Variants in DNAJB12 observed in about 807,000 individuals in gnomAD.
DNAJB12 encodes the protein dnaJ homolog subfamily B member 12.
DNAJB12 carries 14 observed loss-of-function variants against 40.6 expected under a neutral mutation model. That is an observed-to-expected ratio of 0.34 (90% CI 0.23 to 0.54). The LOEUF is 0.54. DNAJB12 is among the 20% of genes least tolerant of loss of function. The pLI, the probability that DNAJB12 is intolerant of heterozygous loss-of-function variation, is 0.92. For synonymous variants in DNAJB12, 181 were observed against 199.5 expected, an observed-to-expected ratio of 0.91 and a Z score of 0.78; for missense variants, 444 against 501.7, an observed-to-expected ratio of 0.89 and a Z score of 1.10.
intron 1 of DNAJB12, among the ~76,000 whole-genome samples, chr10:72,351,691 C>T (rs529893757): frequency 6.6e-6 from 1 of 152,342 alleles, no homozygotes; most frequent in African/African-American, 2.4e-5. Flanking sequence ...CAGGTGTTGC[C>T]TGCCATTGTG....
intron 1 of DNAJB12, among the ~76,000 whole-genome samples, chr10:72,352,128 T>C (rs1164083394): frequency 6.6e-6 from 1 of 152,204 alleles, no homozygotes; most frequent in African/African-American, 2.4e-5. Context: ...TCATTAACCT[T>C]TCATGCTGTT....
chr10:72,341,260 C>T (rs1861632780), intron 3 of DNAJB12, 90 bp from the exon 4 acceptor site: 1 of 1,295,374 alleles, frequency 7.7e-7, no homozygotes, highest in Non-Finnish European at 1.1e-6. Context: ...TTCTCAGGTA[C>T]TCAAGCAGTG....
intron 1 of DNAJB12, among the ~76,000 whole-genome samples, chr10:72,351,283 C>T (rs1354594890): frequency 6.6e-6 from 1 of 152,216 alleles, no homozygotes; most frequent in Non-Finnish European, 1.5e-5. Flanking sequence ...AGCTTAGGGC[C>T]CAGCTACTGC....
intron 1 of DNAJB12, chr10:72,353,563 T>A (rs1400448694): frequency 6.6e-6 from 1 of 152,166 alleles, no homozygotes; most frequent in Non-Finnish European, 1.5e-5. Flanking sequence ...ATTTACAGAG[T>A]CACAGAACAT....
rs115935306 is a variant in DNAJB12, at chr10:72,338,084, A to G, written c.833+118T>C. 1.6e-3 allele frequency: 1,271 copies of G among 817,426 alleles called. 13 individuals carry two copies. The African/African-American group carries it at 0.019, about 12-fold the overall frequency. 50.6% of individuals were successfully genotyped at this position (817,426 alleles called of 1,614,324 possible). On this transcript the variant is annotated intron_variant, in intron 6 of 8. Coordinates refer to ENST00000444643, the MANE Select transcript of DNAJB12 (RefSeq NM_017626.7). The stretch of plus-strand genomic sequence containing the variant: ...AAGTATATTTTCTTGATTCGAAGCC[A>G]GGTTTCTGCATTATGATCGCACACT...
Position 72,340,772 on chromosome 10 carries a change from G to T in DNAJB12, c.723+17C>A. ...TGGTGCCCTTCCCGCGCTGTCCCTG[G>T]CGCCCTCCTCACTCACATCACCCTG... On this transcript the variant is annotated intron_variant, in intron 5 of 8. Transcript: ENST00000444643. 1.9e-6 allele frequency: 3 copies of T among 1,612,910 alleles called. No homozygotes were observed. Among genetic ancestry groups the T allele is most frequent in the Non-Finnish European group, 2.5e-6 (3 of 1,179,672 alleles).
chr10:72,336,156 G>A (rs1861468144), intron 7 of DNAJB12, among the ~76,000 whole-genome samples: 1 of 152,214 alleles, frequency 6.6e-6, no homozygotes, highest in South Asian at 2.1e-4. Flanking sequence ...CAGCCAAGGT[G>A]AGACCCTGTC....
intron 1 of DNAJB12, among the ~76,000 whole-genome samples, chr10:72,349,818 C>T (rs1861889505): frequency 6.6e-6 from 1 of 152,120 alleles, no homozygotes; most frequent in African/African-American, 2.4e-5. Flanking sequence ...CCCTGGGTCA[C>T]ATAGAAGCTT....
rs1001620141 is a variant in DNAJB12, at chr10:72,340,832, T to C, written c.680A>G (p.Tyr227Cys). 3 of 1,614,074 alleles carry C rather than the reference T, an allele frequency of 1.9e-6. No individual in the cohort carries two copies. The highest frequency in any genetic ancestry group is 2.5e-6 in the Non-Finnish European group (3 of 1,180,036). The change falls in exon 5 of 9, where the codon TAT (tyrosine) becomes TGT (cysteine). Residue 227 changes from tyrosine to cysteine, a missense_variant. Physicochemically the swap from Tyr to Cys is radical, Grantham distance 194 (BLOSUM62 -2). Coordinates refer to ENST00000444643, the MANE Select transcript of DNAJB12 (RefSeq NM_017626.7). Reference protein sequence around the residue: ...VHVYSNGRMRYTYQQRQDRRD... With the variant: ...VHVYSNGRMRCTYQQRQDRRD... ...GCGGTCCTGCCTTTGCTGGTAGGTA[T>C]AGCGCATGCGGCCGTTGCTGTAGAC...
At chr10:72,354,717 C>T (rs765582890) in intron 1 of DNAJB12, 48 bp downstream of exon 1, 19 of 1,522,254 alleles carry the variant, frequency 1.2e-5, no homozygotes, top group African/African-American at 2.7e-5. Flanking sequence ...TCCCGTGTTC[C>T]CCCCATCAGT....
chr10:72,349,514 C>A (rs1193728666), intron 1 of DNAJB12, among the ~76,000 whole-genome samples: 1 of 152,234 alleles, frequency 6.6e-6, no homozygotes, highest in East Asian at 1.9e-4. Flanking sequence ...TTGGTCAAGG[C>A]GGGGCAGGAG....
chr10:72,346,312 T>TGCC (rs887088315), intron 1 of DNAJB12, among the ~76,000 whole-genome samples: 1 of 151,026 alleles, frequency 6.6e-6, no homozygotes, highest in Non-Finnish European at 1.5e-5. Flanking sequence ...TACAGGCACG[T>TGCC]GCCACCACGC....
chr10:72,346,366 C>T (rs1481281548), intron 1 of DNAJB12, among the ~76,000 whole-genome samples: 2 of 152,020 alleles, frequency 1.3e-5, no homozygotes, highest in East Asian at 3.9e-4. Flanking sequence ...TGCTCTGTTG[C>T]CCAGGCTGGA....
chr10:72,336,819 C>T, intron 6 of DNAJB12, 123 bp from the exon 7 acceptor site: 1 of 772,392 alleles, frequency 1.3e-6, no homozygotes, highest in Non-Finnish European at 2.1e-6. Context: ...CCTCTCAAAC[C>T]AGAGCAGGGA....
At position 72,340,881 on chromosome 10, in the gene DNAJB12, G is replaced by A; in HGVS notation, c.644-13C>T. ...ACGTGGACGTTACCTGGGGGTCAGA[G>A]GGGCTGAGTCAGGAGCCAGGTCTGT... On this transcript the variant is annotated splice_polypyrimidine_tract_variant and intron_variant, in intron 4 of 8. Coordinates refer to ENST00000444643, the MANE Select transcript of DNAJB12 (RefSeq NM_017626.7). 6.2e-7 allele frequency: 1 copy of A among 1,613,686 alleles called. No homozygotes were observed. Among genetic ancestry groups the A allele is most frequent in the South Asian group, 1.1e-5 (1 of 90,994 alleles).
chr10:72,352,039 G>A (rs1017827827), intron 1 of DNAJB12, among the ~76,000 whole-genome samples: 1 of 152,110 alleles, frequency 6.6e-6, no homozygotes, highest in Non-Finnish European at 1.5e-5. Context: ...TGACTGCCTT[G>A]TCCCAGGCCC....
At chr10:72,343,768 T>C (rs986598320) in intron 2 of DNAJB12, among the ~76,000 whole-genome samples, 12 of 151,894 alleles carry the variant, frequency 7.9e-5, no homozygotes, top group African/African-American at 2.7e-4. Flanking sequence ...AGGGCATCTG[T>C]GGGGTTCGCC....
chr10:72,336,792 AGAG>A, intron 6 of DNAJB12, 96 bp from the exon 7 acceptor site: 11 of 1,047,572 alleles, frequency 1.1e-5, no homozygotes, highest in East Asian at 2.4e-5. Flanking sequence ...CGCACAGACC[AGAG>A]GAGTAGTTGG....
chr10:72,354,701 G>C, intron 1 of DNAJB12, 64 bp downstream of exon 1: 2 of 1,462,128 alleles, frequency 1.4e-6, no homozygotes, highest in Non-Finnish European at 1.9e-6. Context: ...GCTCCCGTCG[G>C]TCCGTTCCCG....
Sources: gnomAD v4.1 joint callset for allele counts (sites outside exome capture counted in the v4.1 genomes callset) on GRCh38, gnomAD v4.1.1 for gene constraint, MANE v1.5 for transcripts, NCBI Gene and HGNC (gene_info 2026-07-23, HGNC 2026-07-21) for gene names.